The following SOCS7 variants were observed in gnomAD, a reference collection of about 807,000 sequenced individuals.
SOCS7 encodes the protein suppressor of cytokine signaling 7, also known as NAP-4.
SOCS7 carries 18 observed loss-of-function variants against 58.9 expected under a neutral mutation model. The observed-to-expected ratio is 0.31, with a 90% CI of 0.21 to 0.45. The LOEUF (loss-of-function observed/expected upper bound fraction) is 0.45, where lower values mean the gene tolerates loss of function less well. Ranked by LOEUF, SOCS7 falls within the 20% of genes least tolerant of loss-of-function variation. SOCS7 has a pLI of 1.00. For synonymous variants in SOCS7, 388 were observed against 364.3 expected (o/e 1.06, Z -0.74); for missense variants, 667 against 837.3 (o/e 0.80, Z 2.51).
intron 6 of SOCS7, among the ~76,000 whole-genome samples, chr17:38,376,542 A>C (rs574618149): frequency 2.0e-5 from 3 of 151,936 alleles, no homozygotes; most frequent in Admixed American, 2.0e-4. Flanking sequence ...GGCTAGCCTG[A>C]CCAACGTGGT....
rs761954805 is a variant in SOCS7 at position 38,365,427 on chromosome 17, G to T, written c.1252+18G>T. On this transcript the variant is annotated intron_variant, in intron 4 of 9. Coordinates refer to ENST00000612932, the MANE Select transcript of SOCS7 (RefSeq NM_014598.4). ...TGCCCCAGGTTAGCTTAGTTTAGAGGCAAGACTTGTAAGAGTTGGGAGTAC... is the reference window on the plus strand; with the variant it reads ...TGCCCCAGGTTAGCTTAGTTTAGAGTCAAGACTTGTAAGAGTTGGGAGTAC... The T allele has an allele frequency of 1.9e-6, 3 of 1,545,858 alleles. No homozygotes were observed. Among genetic ancestry groups the T allele is most frequent in the South Asian group, 1.2e-5 (1 of 86,746 alleles).
intron 6 of SOCS7, among the ~76,000 whole-genome samples, chr17:38,371,714 T>A (rs926748402): frequency 1.3e-5 from 2 of 150,048 alleles, no homozygotes; most frequent in African/African-American, 4.9e-5. Flanking sequence ...CCCAAAGTGC[T>A]GGGATTACAG....
chr17:38,365,284 T>C (rs1555568129), intron 3 of SOCS7, 24 bp from the exon 4 acceptor site: 10 of 1,564,984 alleles, frequency 6.4e-6, no homozygotes, highest in Non-Finnish European at 7.9e-6. Context: ...TTTCTGAACC[T>C]CTTGCTTTTG....
Position 38,400,337 on chromosome 17 carries a change from C to A in SOCS7, c.*855C>A, listed in dbSNP as rs1468101752. On this transcript the variant is annotated 3_prime_UTR_variant, in exon 10 of 10. Coordinates refer to ENST00000612932, the MANE Select transcript of SOCS7 (RefSeq NM_014598.4). ...ACAGCATCCCTATTGCTTCTGCCAG[C>A]TGTCATGGCAATCGTGTTTCCCATC... 2 of 152,242 alleles carry A rather than the reference C, an allele frequency of 1.3e-5. No homozygotes were observed. The highest frequency in any genetic ancestry group is 2.4e-5 in the African/African-American group (1 of 41,458). The allele number at this position is 152,242 out of a possible 1,614,324, so 9.4% of individuals were successfully genotyped here.
chr17:38,393,646 A>G (rs2038206511), intron 7 of SOCS7, among the ~76,000 whole-genome samples: 1 of 151,826 alleles, frequency 6.6e-6, no homozygotes, highest in African/African-American at 2.4e-5. Flanking sequence ...TTAAAAAAAC[A>G]AACAAACACT....
intron 6 of SOCS7, among the ~76,000 whole-genome samples, chr17:38,368,297 G>A (rs752552563): frequency 1.3e-5 from 2 of 152,114 alleles, no homozygotes; most frequent in Non-Finnish European, 2.9e-5. Context: ...AAATAGGAGG[G>A]CCTGAACAAA....
chr17:38,395,049 C>CA (rs2038227553), intron 7 of SOCS7, among the ~76,000 whole-genome samples: 1 of 151,974 alleles, frequency 6.6e-6, no homozygotes, highest in South Asian at 2.1e-4. Context: ...GACCCTGTCT[C>CA]AAAAAACAAA....
chr17:38,361,008 A>T (rs587599036), intron 1 of SOCS7, among the ~76,000 whole-genome samples: 8 of 152,342 alleles, frequency 5.3e-5, no homozygotes, highest in Admixed American at 3.9e-4. Flanking sequence ...TATCTTTGGT[A>T]TATTAACCAA....
At chr17:38,391,972 A>G (rs908759387) in intron 7 of SOCS7, among the ~76,000 whole-genome samples, 3 of 152,180 alleles carry the variant, frequency 2.0e-5, no homozygotes, top group African/African-American at 7.2e-5. Context: ...AAAATAGTGC[A>G]TGGCTAGAAA....
At chr17:38,389,125 G>GTGGTA (rs1486583574) in intron 7 of SOCS7, among the ~76,000 whole-genome samples, 2 of 152,180 alleles carry the variant, frequency 1.3e-5, no homozygotes, top group Non-Finnish European at 2.9e-5. Flanking sequence ...TGAGTATGAA[G>GTGGTA]TGGTAGCTCA....
At chr17:38,386,529 C>T (rs1279481768) in intron 7 of SOCS7, among the ~76,000 whole-genome samples, 1 of 151,842 alleles carries the variant, frequency 6.6e-6, no homozygotes, top group Non-Finnish European at 1.5e-5. Flanking sequence ...TTGGCATGCC[C>T]ATAGGAAACA....
At chr17:38,353,141 G>A in intron 1 of SOCS7, 109 bp downstream of exon 1, 1 of 1,087,868 alleles carries the variant, frequency 9.2e-7, no homozygotes, top group South Asian at 1.7e-5. Flanking sequence ...TCTTCAGGAG[G>A]AGGCAGAGAC....
In SOCS7 at chr17:38,389,898, TACAC is replaced by T. The variant is rs1166180740; in HGVS notation, c.1682-5409_1682-5406del. 3.9e-3 allele frequency among the ~76,000 whole-genome samples: 318 copies of T among 82,326 alleles called. 11 individuals carry two copies. Among genetic ancestry groups the T allele is most frequent in the African/African-American group, 0.018 (209 of 11,680 alleles). The allele number at this position is 82,326 out of a possible 152,430, so 54.0% of individuals were successfully genotyped here. On this transcript the variant is annotated intron_variant, in intron 7 of 9. Coordinates refer to ENST00000612932, the MANE Select transcript of SOCS7 (RefSeq NM_014598.4). The stretch of plus-strand genomic sequence containing the variant: ...ATATATATATGTACATATATATATA[TACAC>T]ATATAGAGAGAGAGAGAGAGAGAGA...
chr17:38,358,904 G>C (rs1322795354), intron 1 of SOCS7, among the ~76,000 whole-genome samples: 4 of 152,028 alleles, frequency 2.6e-5, no homozygotes, highest in Admixed American at 2.6e-4. Flanking sequence ...TCAAAATGCC[G>C]GGGGTGGGGG....
At chr17:38,379,685 AG>A (rs1442665572) in intron 7 of SOCS7, among the ~76,000 whole-genome samples, 2 of 152,064 alleles carry the variant, frequency 1.3e-5, no homozygotes, top group Non-Finnish European at 2.9e-5. Context: ...AAGGCATGAC[AG>A]GGTGTGAACT....
At chr17:38,377,661 C>A in intron 6 of SOCS7, 53 bp from the exon 7 acceptor site, 1 of 1,550,672 alleles carries the variant, frequency 6.4e-7, no homozygotes, top group Non-Finnish European at 8.7e-7. Flanking sequence ...ACCAGCCTCT[C>A]ATGTCTTCTG....
chr17:38,371,190 T>C (rs143991212), intron 6 of SOCS7, among the ~76,000 whole-genome samples: 4 of 152,208 alleles, frequency 2.6e-5, no homozygotes, highest in Non-Finnish European at 5.9e-5. Flanking sequence ...CTCGGCTCAC[T>C]GCAGTCTCCA....
At chr17:38,361,883 G>GT (rs1285793242) in intron 2 of SOCS7, 108 bp downstream of exon 2, 1 of 762,824 alleles carries the variant, frequency 1.3e-6, no homozygotes, top group African/African-American at 1.8e-5. Context: ...CGTGTCTGCA[G>GT]TTATTTCCTT....
intron 7 of SOCS7, among the ~76,000 whole-genome samples, chr17:38,380,505 C>T (rs965054346): frequency 6.6e-6 from 1 of 151,784 alleles, no homozygotes; most frequent in African/African-American, 2.4e-5. Context: ...TGGTGCACGC[C>T]TGTAATCCTA....
Sources: gnomAD v4.1 joint callset for allele counts (sites outside exome capture counted in the v4.1 genomes callset) on GRCh38, gnomAD v4.1.1 for gene constraint, MANE v1.5 for transcripts, NCBI Gene and HGNC (gene_info 2026-07-23, HGNC 2026-07-21) for gene names.